Variants in STUM observed in about 807,000 individuals in gnomAD.
The protein encoded by STUM is protein stum homolog.
In STUM, 8 loss-of-function variants were observed where a neutral mutation model predicts 15.3. That is an observed-to-expected ratio of 0.52 (90% CI 0.31 to 0.94). STUM has a LOEUF of 0.94. STUM is among the 40% of genes least tolerant of loss of function. STUM has a pLI of 0.05. For missense variants in STUM, 142 were observed against 204.9 expected (o/e 0.69, Z 1.87); for synonymous variants, 78 against 88.7 (o/e 0.88, Z 0.68).
chr1:226,574,983 G>A (rs558086916), intron 1 of STUM, among the ~76,000 whole-genome samples: 9 of 152,222 alleles, frequency 5.9e-5, no homozygotes, highest in Admixed American at 1.3e-4. Flanking sequence ...GGGGTCATAT[G>A]TCTGGGCTCC....
intron 1 of STUM, among the ~76,000 whole-genome samples, chr1:226,573,198 C>T (rs1316421751): frequency 6.6e-6 from 1 of 152,186 alleles, no homozygotes; most frequent in Non-Finnish European, 1.5e-5. Context: ...CATTCCTGAC[C>T]GGCCCTTTCT....
chr1:226,555,655 T>G (rs1221883390), intron 1 of STUM, among the ~76,000 whole-genome samples: 1 of 152,222 alleles, frequency 6.6e-6, no homozygotes, highest in Non-Finnish European at 1.5e-5. Context: ...CATGGTCTGC[T>G]TGTCCGTACT....
chr1:226,592,551 T>C (rs1668107799), intron 1 of STUM, among the ~76,000 whole-genome samples: 1 of 152,178 alleles, frequency 6.6e-6, no homozygotes, highest in African/African-American at 2.4e-5. Context: ...GTAATGTAGG[T>C]AGAGAGAGGG....
At position 226,607,484 on chromosome 1, in the gene STUM, C is replaced by T. The variant is rs1254786868; in HGVS notation, c.*5444C>T. The T allele has an allele frequency of 6.6e-6, 1 of 152,296 alleles. No homozygotes were observed. Among genetic ancestry groups the T allele is most frequent in the Admixed American group, 6.5e-5 (1 of 15,286 alleles). 9.4% of individuals were successfully genotyped at this position (152,296 alleles called of 1,614,324 possible). On this transcript the variant is annotated 3_prime_UTR_variant, in exon 4 of 4. Transcript: ENST00000366788. The stretch of plus-strand genomic sequence containing the variant: ...AACAAAGAAGGGCTTAGGCAGCCAT[C>T]GTTTCCCCATTTCTGTCAGAGCCAA...
intron 1 of STUM, among the ~76,000 whole-genome samples, chr1:226,566,056 C>T (rs959135238): frequency 5.3e-5 from 8 of 152,232 alleles, no homozygotes; most frequent in Non-Finnish European, 7.3e-5. Flanking sequence ...TTGTCCCCCA[C>T]CACCCTTTCT....
intron 1 of STUM, among the ~76,000 whole-genome samples, chr1:226,578,825 A>G (rs527808729): frequency 1.1e-3 from 161 of 152,246 alleles, no homozygotes; most frequent in Non-Finnish European, 1.9e-3. Context: ...CTGAGTCTTG[A>G]TCAGCTGCCC....
intron 2 of STUM, among the ~76,000 whole-genome samples, chr1:226,598,577 T>C (rs1422366615): frequency 6.6e-6 from 1 of 152,224 alleles, no homozygotes; most frequent in Non-Finnish European, 1.5e-5. Flanking sequence ...ACTCCCTTCA[T>C]CATGCCTAGA....
rs1667330066 is a variant in STUM at position 226,549,238 on chromosome 1, CG to C, written c.202+133del. The C allele has an allele frequency of 1.4e-6, 1 of 733,336 alleles. No individual in the cohort carries two copies. Among genetic ancestry groups the C allele is most frequent in the African/African-American group, 1.9e-5 (1 of 52,890 alleles). 45.4% of individuals were successfully genotyped at this position (733,336 alleles called of 1,614,324 possible). A position where few individuals can be genotyped will look rare whatever the true frequency, so the allele number is the denominator to read the frequency against. On this transcript the variant is annotated intron_variant, in intron 1 of 3. Coordinates refer to ENST00000366788, the MANE Select transcript of STUM (RefSeq NM_001003665.4). The surrounding 1 kb of genome is among the most constrained non-coding windows in gnomAD (Gnocchi z 6.8). ...AGTGCTGCGACCACGCGCCACCGCCCGCTCCTGGCGTCCCCGGGCAGGTGGC... is the reference window on the plus strand; with the variant it reads ...AGTGCTGCGACCACGCGCCACCGCCCCTCCTGGCGTCCCCGGGCAGGTGGC...
At chr1:226,580,674 G>A (rs1272014231) in intron 1 of STUM, among the ~76,000 whole-genome samples, 1 of 152,114 alleles carries the variant, frequency 6.6e-6, no homozygotes, top group Non-Finnish European at 1.5e-5. Context: ...GTCAAGGGCT[G>A]CTCTTGCCCC....
At chr1:226,582,297 A>G (rs1396867587) in intron 1 of STUM, among the ~76,000 whole-genome samples, 1 of 152,208 alleles carries the variant, frequency 6.6e-6, no homozygotes, top group Admixed American at 6.5e-5. Flanking sequence ...TTGCTCTTTT[A>G]AGACACCAGT....
chr1:226,600,735 A>G lies in STUM; in HGVS notation c.391+61A>G. 4 of 1,582,184 alleles carry G rather than the reference A, an allele frequency of 2.5e-6. No homozygotes were observed. Among genetic ancestry groups the G allele is most frequent in the Non-Finnish European group, 3.5e-6 (4 of 1,158,764 alleles). On this transcript the variant is annotated intron_variant, in intron 3 of 3. Coordinates refer to ENST00000366788, the MANE Select transcript of STUM (RefSeq NM_001003665.4). The surrounding 1 kb of genome is among the most constrained non-coding windows in gnomAD (Gnocchi z 5.2). Reference sequence around the variant, plus strand: ...CTGCTTGGGGCCCTCCCCTCCCCCGAGACCCCCACTCCTGCACACAAACAC... The same window carrying G: ...CTGCTTGGGGCCCTCCCCTCCCCCGGGACCCCCACTCCTGCACACAAACAC...
chr1:226,554,700 A>G (rs771376013), intron 1 of STUM, among the ~76,000 whole-genome samples: 9 of 152,076 alleles, frequency 5.9e-5, no homozygotes, highest in Non-Finnish European at 1.0e-4. Flanking sequence ...GGCATCATCA[A>G]TTTTCCTGTC....
intron 2 of STUM, among the ~76,000 whole-genome samples, chr1:226,599,027 T>C (rs1379408614): frequency 1.3e-5 from 2 of 152,172 alleles, no homozygotes; most frequent in Non-Finnish European, 2.9e-5. Flanking sequence ...AGAGAGTTTG[T>C]GCCGGGAAAC....
intron 1 of STUM, among the ~76,000 whole-genome samples, chr1:226,569,015 C>A (rs913627690): frequency 1.0e-5 from 1 of 97,514 alleles, no homozygotes; most frequent in Admixed American, 8.8e-5. Context: ...TGCATGTGCC[C>A]ACACGTGCAT....
chr1:226,591,822 T>C (rs1399117124), intron 1 of STUM, among the ~76,000 whole-genome samples: 2 of 152,098 alleles, frequency 1.3e-5, no homozygotes, highest in African/African-American at 2.4e-5. Context: ...TGAAAGAACA[T>C]GGAATGCTGT....
At chr1:226,569,063 CTT>C (rs5781440) in intron 1 of STUM, among the ~76,000 whole-genome samples, 10 of 146,780 alleles carry the variant, frequency 6.8e-5, no homozygotes, top group African/African-American at 2.5e-4. Flanking sequence ...CTGGGGATGA[CTT>C]TTTTTTTTTT....
intron 1 of STUM, among the ~76,000 whole-genome samples, chr1:226,550,595 C>CTT (rs572158437): frequency 8.3e-5 from 12 of 144,206 alleles, no homozygotes; most frequent in African/African-American, 2.6e-4. Context: ...CTTGATCCAC[C>CTT]TTTTTTTTTT....
rs1187323791 is a variant in STUM at position 226,565,451 on chromosome 1, C to T, written c.202+16345C>T. On this transcript the variant is annotated intron_variant, in intron 1 of 3. Coordinates refer to ENST00000366788, the MANE Select transcript of STUM (RefSeq NM_001003665.4). The surrounding 1 kb of genome is among the most constrained non-coding windows in gnomAD (Gnocchi z 4.4). ...ACCAGCCTTGGCATACTACTGCTCC[C>T]CCACCGTCACTTCTCATCCCACCCA... Among the ~76,000 whole-genome samples the T allele has an allele frequency of 6.6e-6, 1 of 152,170 alleles. No individual in the cohort carries two copies. The highest frequency in any genetic ancestry group is 1.5e-5 in the Non-Finnish European group (1 of 68,032).
At position 226,607,960 on chromosome 1, in the gene STUM, C is replaced by A; in HGVS notation, c.*5920C>A. ...GACTTATCTCCAAAGGAGCCCACACCCCCTCTTCCAGGATGGGCACTGGCT... is the reference window on the plus strand; with the variant it reads ...GACTTATCTCCAAAGGAGCCCACACACCCTCTTCCAGGATGGGCACTGGCT... On this transcript the variant is annotated 3_prime_UTR_variant, in exon 4 of 4. Transcript: ENST00000366788. 1 of 152,494 alleles carries A rather than the reference C, an allele frequency of 6.6e-6. No individual in the cohort carries two copies. Among genetic ancestry groups the A allele is most frequent in the Non-Finnish European group, 1.5e-5 (1 of 68,144 alleles). The allele number at this position is 152,494 out of a possible 1,614,324, so 9.4% of individuals were successfully genotyped here.
Sources: allele counts gnomAD v4.1 joint callset (sites outside exome capture counted in the v4.1 genomes callset), GRCh38; gene constraint gnomAD v4.1.1; non-coding constraint Gnocchi (gnomAD v3.1); transcripts MANE v1.5; gene names NCBI Gene and HGNC (gene_info 2026-07-23, HGNC 2026-07-21).